Variants in PCDHA9 observed in about 807,000 individuals in gnomAD.
The protein encoded by PCDHA9 is protocadherin alpha-9.
PCDHA9 carries 62 observed loss-of-function variants against 62.0 expected under a neutral mutation model. The observed-to-expected ratio is 1.00, with a 90% CI of 0.81 to 1.23. The LOEUF is 1.23. PCDHA9 is among the 50% of genes most tolerant of loss of function. The pLI is 0.00. For synonymous variants in PCDHA9, 557 were observed against 567.6 expected, an observed-to-expected ratio of 0.98 and a Z score of 0.27; for missense variants, 1,205 against 1,249.8, an observed-to-expected ratio of 0.96 and a Z score of 0.54.
chr5:140,997,577 T>G (rs2097775398), intron 3 of PCDHA9, among the ~76,000 whole-genome samples: 1 of 152,186 alleles, frequency 6.6e-6, no homozygotes, highest in Admixed American at 6.5e-5. Flanking sequence ...GTGTGGTCCG[T>G]TGTTGACTGA....
intron 1 of PCDHA9, chr5:140,881,430 T>G: frequency 1.1e-6 from 1 of 889,582 alleles, no homozygotes; most frequent in Non-Finnish European, 1.3e-6. Flanking sequence ...TCCAGGCATA[T>G]TTTATAAAAA....
intron 1 of PCDHA9, chr5:140,927,797 C>T (rs1554205063): frequency 6.2e-7 from 1 of 1,614,196 alleles, no homozygotes; most frequent in Non-Finnish European, 8.5e-7. Context: ...CTAGGTCCGC[C>T]TGAAACGCTC....
At chr5:141,008,684 G>C (rs1426948038) in intron 3 of PCDHA9, among the ~76,000 whole-genome samples, 1 of 152,118 alleles carries the variant, frequency 6.6e-6, no homozygotes, top group Admixed American at 6.5e-5. Context: ...TTTAGTTATT[G>C]CATGTATTAA....
At chr5:140,967,206 G>A in intron 1 of PCDHA9, 2 of 1,613,644 alleles carry the variant, frequency 1.2e-6, no homozygotes, top group South Asian at 2.2e-5. Flanking sequence ...AACTCACCGC[G>A]TTTCCCGCGG....
intron 3 of PCDHA9, among the ~76,000 whole-genome samples, chr5:140,991,989 G>A (rs782528431): frequency 1.3e-5 from 2 of 151,180 alleles, no homozygotes; most frequent in African/African-American, 4.9e-5. Flanking sequence ...CCTACCACCC[G>A]GTCTTTCATG....
intron 1 of PCDHA9, among the ~76,000 whole-genome samples, chr5:140,892,084 C>G (rs1233800772): frequency 6.6e-6 from 1 of 151,992 alleles, no homozygotes; most frequent in African/African-American, 2.4e-5. Flanking sequence ...TTCTAGTTTC[C>G]TCTCGAAACT....
chr5:140,967,111 T>G, intron 1 of PCDHA9: 1 of 1,612,990 alleles, frequency 6.2e-7, no homozygotes, highest in East Asian at 2.2e-5. Context: ...AGCAGCGGCC[T>G]CGCTGCCTGC....
chr5:140,882,930 A>C, intron 1 of PCDHA9: 8 of 1,614,214 alleles, frequency 5.0e-6, no homozygotes, highest in Non-Finnish European at 6.8e-6. Context: ...GGTAAACCCG[A>C]GCTGACTGGC....
rs1262836505 is a variant in PCDHA9 at position 141,012,081 on chromosome 5, T to C, written c.*2144T>C. The C allele has an allele frequency of 6.5e-6, 1 of 153,748 alleles. No individual in the cohort carries two copies. Among genetic ancestry groups the C allele is most frequent in the Non-Finnish European group, 1.5e-5 (1 of 68,042 alleles). 9.5% of individuals were successfully genotyped at this position (153,748 alleles called of 1,614,324 possible). On this transcript the variant is annotated 3_prime_UTR_variant, in exon 4 of 4. Transcript: ENST00000532602. Reference sequence around the variant, plus strand: ...CAACACATGTGAACCATTGCTACATTGTAGGTTGTGATCATTTTGCCCCAC... The same window carrying C: ...CAACACATGTGAACCATTGCTACATCGTAGGTTGTGATCATTTTGCCCCAC...
chr5:140,967,508 C>G (rs2096150874), intron 1 of PCDHA9: 2 of 1,612,712 alleles, frequency 1.2e-6, no homozygotes, highest in Non-Finnish European at 1.7e-6. Flanking sequence ...TGTGCGTGTC[C>G]TGGACACTAA....
Position 140,848,673 on chromosome 5 carries a change from G to A in PCDHA9, c.178G>A (p.Val60Met), listed in dbSNP as rs2150416689. The A allele has an allele frequency of 1.3e-6, 2 of 1,592,332 alleles. No individual in the cohort carries two copies. Among genetic ancestry groups the A allele is most frequent in the Non-Finnish European group, 1.7e-6 (2 of 1,163,392 alleles). The part of the protein sequence containing the change: ...QDLGLELAEL[V>M]PRLFQLDSKG... ...CCTGGGGCTGGAGCTGGCGGAGCTG[G>A]TGCCGCGCCTGTTCCAGTTGGATTC... Residue 60 changes from valine to methionine, a missense_variant, in exon 1 of 4, where the codon GTG (valine) becomes ATG (methionine). Physicochemically the swap from Val to Met is conservative, Grantham distance 21. Coordinates refer to ENST00000532602, the MANE Select transcript of PCDHA9 (RefSeq NM_031857.2).
At chr5:140,858,338 A>G (rs1323713253) in intron 1 of PCDHA9, 2 of 1,595,638 alleles carry the variant, frequency 1.3e-6, no homozygotes, top group African/African-American at 2.7e-5. Context: ...GGGCCTGCCC[A>G]AGGCGGACCT....
intron 1 of PCDHA9, chr5:140,875,618 C>T (rs1554167806): frequency 3.1e-6 from 5 of 1,613,806 alleles, no homozygotes; most frequent in Non-Finnish European, 3.4e-6. Context: ...GGCCGCATCG[C>T]TCAGGACCTG....
intron 1 of PCDHA9, chr5:140,876,574 G>A (rs1554168680): frequency 1.9e-6 from 3 of 1,614,158 alleles, no homozygotes; most frequent in Non-Finnish European, 2.5e-6. Flanking sequence ...GGTGGGTACC[G>A]TCATTGCCCT....
Position 140,883,458 on chromosome 5 carries a change from T to G in PCDHA9, c.2394+32569T>G, listed in dbSNP as rs1315500498. ...TTGACGCCGCATGTCCCCTTCAAGC[T>G]GGTGTCCACCTACAAGAACTACTAC... On this transcript the variant is annotated intron_variant, in intron 1 of 3. Coordinates refer to ENST00000532602, the MANE Select transcript of PCDHA9 (RefSeq NM_031857.2). 13 of 1,614,058 alleles carry G rather than the reference T, an allele frequency of 8.1e-6. No individual in the cohort carries two copies. Among genetic ancestry groups the G allele is most frequent in the Non-Finnish European group, 1.1e-5 (13 of 1,180,042 alleles).
chr5:140,885,011 C>T (rs545880418), intron 1 of PCDHA9, among the ~76,000 whole-genome samples: 16 of 152,240 alleles, frequency 1.1e-4, no homozygotes, highest in Admixed American at 5.9e-4. Context: ...TGAGGCTAAT[C>T]GTAATCTTAA....
chr5:140,903,857 T>C (rs2070669832), intron 1 of PCDHA9, among the ~76,000 whole-genome samples: 1 of 152,172 alleles, frequency 6.6e-6, no homozygotes, highest in South Asian at 2.1e-4. Context: ...TAACAAATAA[T>C]ATAGAGTAAA....
At chr5:140,892,850 A>G (rs2063700618) in intron 1 of PCDHA9, among the ~76,000 whole-genome samples, 1 of 152,104 alleles carries the variant, frequency 6.6e-6, no homozygotes, top group Non-Finnish European at 1.5e-5. Flanking sequence ...ACCACAACCC[A>G]TTCCTCCTGT....
chr5:140,920,858 A>AG (rs2079893810), intron 1 of PCDHA9, among the ~76,000 whole-genome samples: 1 of 151,604 alleles, frequency 6.6e-6, no homozygotes, highest in African/African-American at 2.4e-5. Context: ...AAAAAAAAAA[A>AG]CAAACAAACT....
Sources: gnomAD v4.1 joint callset for allele counts (sites outside exome capture counted in the v4.1 genomes callset) on GRCh38, gnomAD v4.1.1 for gene constraint, MANE v1.5 for transcripts, NCBI Gene and HGNC (gene_info 2026-07-23, HGNC 2026-07-21) for gene names.